FAM234A: variants seen among roughly 807,000 people sequenced by gnomAD.
FAM234A encodes the protein family with sequence similarity 234 member A, also known as protein FAM234A.
FAM234A carries 42 observed loss-of-function variants against 49.1 expected under a neutral mutation model. The observed-to-expected ratio is 0.86, with a 90% CI of 0.67 to 1.11. The LOEUF is 1.11. Ranked by LOEUF, FAM234A falls within the 50% of genes least tolerant of loss-of-function variation. The pLI is 0.00. For missense variants in FAM234A, 815 were observed against 745.2 expected (o/e 1.09, Z -1.09); for synonymous variants, 369 against 316.2 (o/e 1.17, Z -1.77).
At chr16:261,731 G>A (rs1347978044) in intron 6 of FAM234A, among the ~76,000 whole-genome samples, 3 of 152,232 alleles carry the variant, frequency 2.0e-5, no homozygotes, top group Non-Finnish European at 1.5e-5. Context: ...AAGAATGGTG[G>A]AGTACACACT....
downstream of FAM234A, chr16:268,800 G>C: frequency 6.5e-7 from 1 of 1,550,368 alleles, no homozygotes; most frequent in Non-Finnish European, 8.7e-7. Flanking sequence ...ACAGCGGAGA[G>C]GCTCTTGGAC....
intron 3 of FAM234A, among the ~76,000 whole-genome samples, chr16:259,004 A>G (rs1414442818): frequency 6.6e-6 from 1 of 152,068 alleles, no homozygotes; most frequent in Non-Finnish European, 1.5e-5. Flanking sequence ...GATGGTCTCA[A>G]TCTCTTGACC....
At chr16:266,807 AGT>A (rs201118140), downstream of FAM234A, among the ~76,000 whole-genome samples, 806 of 152,282 alleles carry the variant, frequency 5.3e-3, 6 homozygotes, top group African/African-American at 0.016. Context: ...GCGTCCTATA[AGT>A]GAGAACCGCC....
chr16:264,515 C>T, intron 11 of FAM234A, 99 bp from the exon 12 acceptor site: 1 of 911,874 alleles, frequency 1.1e-6, no homozygotes, highest in Non-Finnish European at 1.7e-6. Context: ...GATAGGGCCC[C>T]TAGCAGACAT....
chr16:265,825 C>CTA lies in FAM234A; in HGVS notation c.*803_*804insTA. Reference sequence around the variant, plus strand: ...GGTCAGTCTGTGCCCTCTCAGTAGACACTGGAGCTGCTCTGTCCCTGAAGA... The same window carrying CTA: ...GGTCAGTCTGTGCCCTCTCAGTAGACTAACTGGAGCTGCTCTGTCCCTGAAGA... On this transcript the variant is annotated 3_prime_UTR_variant, in exon 13 of 13. Coordinates refer to ENST00000399932, the MANE Select transcript of FAM234A (RefSeq NM_032039.4). The CTA allele has an allele frequency of 1.0e-6, 1 of 985,726 alleles. No homozygotes were observed. Among genetic ancestry groups the CTA allele is most frequent in the Non-Finnish European group, 1.2e-6 (1 of 830,018 alleles). The allele number at this position is 985,726 out of a possible 1,614,324, so 61.1% of individuals were successfully genotyped here.
At position 265,187 on chromosome 16, in the gene FAM234A, G is replaced by A; in HGVS notation, c.*165G>A. The A allele has an allele frequency of 7.0e-7, 1 of 1,421,808 alleles. No individual in the cohort carries two copies. The highest frequency in any genetic ancestry group is 9.2e-7 in the Non-Finnish European group (1 of 1,091,798). The allele number at this position is 1,421,808 out of a possible 1,614,324, so 88.1% of individuals were successfully genotyped here. Reference sequence around the variant, plus strand: ...TACCAGTCCTCCATGATCACACCCAGGGACCTGCATGGGTGAGGGGACACC... The same window carrying A: ...TACCAGTCCTCCATGATCACACCCAAGGACCTGCATGGGTGAGGGGACACC... On this transcript the variant is annotated 3_prime_UTR_variant, in exon 13 of 13. Coordinates refer to ENST00000399932, the MANE Select transcript of FAM234A (RefSeq NM_032039.4).
intron 1 of FAM234A, among the ~76,000 whole-genome samples, chr16:235,072 C>T (rs756147000): frequency 6.6e-6 from 1 of 152,234 alleles, no homozygotes; most frequent in African/African-American, 2.4e-5. Flanking sequence ...GCAGCAGCGC[C>T]TCTGGAGGCT....
intron 2 of FAM234A, among the ~76,000 whole-genome samples, chr16:250,473 C>T (rs1022103926): frequency 6.6e-6 from 1 of 152,050 alleles, no homozygotes; most frequent in South Asian, 2.1e-4. Flanking sequence ...TTGGTCGCGA[C>T]TCATTGTTTG....
chr16:242,774 G>A (rs1008731631), intron 1 of FAM234A, among the ~76,000 whole-genome samples: 12 of 151,332 alleles, frequency 7.9e-5, no homozygotes, highest in East Asian at 3.9e-4. Context: ...CACCACGCCT[G>A]GTTAATTTTT....
chr16:249,832 G>C (rs1368971431), intron 2 of FAM234A, among the ~76,000 whole-genome samples, 178 bp downstream of exon 2: 2 of 152,036 alleles, frequency 1.3e-5, no homozygotes, highest in African/African-American at 4.8e-5. Context: ...CAATTTTAAA[G>C]CTCTTAAGTT....
chr16:254,860 C>G (rs2051169804), intron 3 of FAM234A, among the ~76,000 whole-genome samples, 179 bp downstream of exon 3: 1 of 152,152 alleles, frequency 6.6e-6, no homozygotes, highest in African/African-American at 2.4e-5. Context: ...GATAGACCAG[C>G]CTTTTTATTT....
At chr16:249,689 G>C (rs552623543) in intron 2 of FAM234A, 35 bp downstream of exon 2, 4 of 152,254 alleles carry the variant, frequency 2.6e-5, no homozygotes, top group Admixed American at 6.5e-5. Flanking sequence ...GGCTGGATGG[G>C]TGGTGTTTTC....
rs757279121 is a variant in FAM234A at position 262,225 on chromosome 16, G to A, written c.841G>A (p.Ala281Thr). ...TGCCCACTACATCCTCTTTCCCTGC[G>A]GTACGTTGTTTCTGCCACATCCCTG... ...TGAHYILFPC[A>T]SSLCGCSVKG... The change falls in exon 7 of 13, where the codon GCA becomes ACA. Residue 281 changes from alanine (A) to threonine (T), a missense_variant and splice_region_variant. Coordinates refer to ENST00000399932, the MANE Select transcript of FAM234A (RefSeq NM_032039.4). 25 of 1,613,586 alleles carry A rather than the reference G, an allele frequency of 1.5e-5. No individual in the cohort carries two copies. The highest frequency in any genetic ancestry group is 5.0e-5 in the Admixed American group (3 of 59,976).
Position 262,319 on chromosome 16 carries a change from G to C in FAM234A, c.841+94G>C. On this transcript the variant is annotated intron_variant, in intron 7 of 12. Coordinates refer to ENST00000399932, the MANE Select transcript of FAM234A (RefSeq NM_032039.4). ...GTCCTGCTTCTGCTCTCGAGGTGCTGGAGTCAGGAAGCCCAGGGGCCTGGC... is the reference window on the plus strand; with the variant it reads ...GTCCTGCTTCTGCTCTCGAGGTGCTCGAGTCAGGAAGCCCAGGGGCCTGGC... 3 of 1,571,506 alleles carry C rather than the reference G, an allele frequency of 1.9e-6. No individual in the cohort carries two copies. In the South Asian group the frequency reaches 3.6e-5, roughly 19 times the overall value.
chr16:260,458 G>A (rs763340209), intron 5 of FAM234A: 241 of 508,980 alleles, frequency 4.7e-4, no homozygotes, highest in Non-Finnish European at 8.2e-4. Context: ...GAGGAGGAGC[G>A]GCTTGGCCCC....
At chr16:253,360 A>T (rs190108085) in intron 2 of FAM234A, among the ~76,000 whole-genome samples, 1 of 151,862 alleles carries the variant, frequency 6.6e-6, no homozygotes, top group Non-Finnish European at 1.5e-5. Context: ...AATATATTTT[A>T]TTTTATTTTT....
At position 262,447 on chromosome 16, in the gene FAM234A, G is replaced by A. The variant is rs915246418; in HGVS notation, c.865G>A (p.Val289Met). Residue 289 changes from valine (V) to methionine (M), a missense_variant, in exon 8 of 13, where the codon GTG becomes ATG. By Grantham distance (21) the Val-to-Met change is conservative (BLOSUM62 1). Transcript: ENST00000399932. ...PCASSLCGCS[V>M]KGLYEKVTGS... ...AGCAAGCTCCCTCTGCGGCTGCTCT[G>A]TGAAGGGTCTCTACGAGAAGGTGAC... 3.1e-6 allele frequency: 5 copies of A among 1,610,244 alleles called. No homozygotes were observed. Among genetic ancestry groups the A allele is most frequent in the Admixed American group, 1.7e-5 (1 of 59,416 alleles).
At chr16:268,606 G>A, downstream of FAM234A, 1 of 650,716 alleles carries the variant, frequency 1.5e-6, no homozygotes. Context: ...CAATGTCAGA[G>A]TTGTCTATAA....
chr16:258,222 T>C (rs1361292779), intron 3 of FAM234A, among the ~76,000 whole-genome samples: 2 of 151,370 alleles, frequency 1.3e-5, no homozygotes, highest in Non-Finnish European at 2.9e-5. Context: ...GGCAGGGTCA[T>C]ACGACAATAG....
Sources: allele counts gnomAD v4.1 joint callset (sites outside exome capture counted in the v4.1 genomes callset), GRCh38; gene constraint gnomAD v4.1.1; transcripts MANE v1.5; gene names NCBI Gene and HGNC (gene_info 2026-07-23, HGNC 2026-07-21).